GPC6: variants seen among roughly 807,000 people sequenced by gnomAD.
The protein encoded by GPC6 is glypican-6.
In GPC6, 14 loss-of-function variants were observed where a neutral mutation model predicts 55.2. That is an observed-to-expected ratio of 0.25 (90% CI 0.17 to 0.40). The LOEUF (loss-of-function observed/expected upper bound fraction) is 0.40, where lower values mean the gene tolerates loss of function less well. Among genes scored for constraint, GPC6 ranks in the 10% least tolerant of loss-of-function variants. GPC6 has a pLI of 1.00. For synonymous variants in GPC6, 278 were observed against 259.6 expected (o/e 1.07, Z -0.68); for missense variants, 641 against 708.5 (o/e 0.90, Z 1.08).
intron 3 of GPC6, among the ~76,000 whole-genome samples, chr13:93,846,620 C>T (rs909942919): frequency 3.9e-5 from 6 of 152,146 alleles, no homozygotes; most frequent in African/African-American, 1.4e-4. Flanking sequence ...TGAGACCAGT[C>T]TGGCCAACAT....
chr13:93,616,778 A>G (rs1258397296), intron 2 of GPC6, among the ~76,000 whole-genome samples: 3 of 152,116 alleles, frequency 2.0e-5, no homozygotes, highest in Admixed American at 2.0e-4. Flanking sequence ...CTGTGAACAC[A>G]TTTATGAGGT....
At chr13:94,031,327 C>T (rs1023978184) in intron 4 of GPC6, among the ~76,000 whole-genome samples, 2 of 152,168 alleles carry the variant, frequency 1.3e-5, no homozygotes, top group African/African-American at 4.8e-5. Context: ...GCCGCTAGAC[C>T]TATTTTAGAG....
chr13:93,446,382 A>G (rs901754908), intron 1 of GPC6, among the ~76,000 whole-genome samples: 23 of 151,040 alleles, frequency 1.5e-4, no homozygotes, highest in African/African-American at 5.3e-4. Flanking sequence ...TTTGTTAGGT[A>G]ATTTGAGCAC....
chr13:93,224,197 CT>C (rs34332669), upstream of GPC6, among the ~76,000 whole-genome samples: 99,312 of 133,320 alleles, frequency 0.74, 37,091 homozygotes, highest in East Asian at 0.91. Flanking sequence ...CGCGCCCGGC[CT>C]TTTTTTTTTT....
At chr13:94,293,290 G>A (rs1313645780) in intron 5 of GPC6, among the ~76,000 whole-genome samples, 3 of 152,166 alleles carry the variant, frequency 2.0e-5, no homozygotes, top group South Asian at 2.1e-4. Context: ...CATGTCAAGG[G>A]AGGGAACTGG....
At chr13:94,230,134 T>G (rs1322158861) in intron 4 of GPC6, among the ~76,000 whole-genome samples, 1 of 152,132 alleles carries the variant, frequency 6.6e-6, no homozygotes, top group African/African-American at 2.4e-5. Context: ...CCATACTTTT[T>G]CCTCATGGGG....
chr13:94,390,405 A>G (rs992916107), intron 7 of GPC6, among the ~76,000 whole-genome samples: 2 of 152,204 alleles, frequency 1.3e-5, no homozygotes, highest in African/African-American at 2.4e-5. Flanking sequence ...TGGGTAACTT[A>G]TAAAGAAAAG....
intron 1 of GPC6, among the ~76,000 whole-genome samples, chr13:93,436,999 C>T (rs968209036): frequency 5.9e-5 from 9 of 151,302 alleles, no homozygotes; most frequent in Admixed American, 2.0e-4. Context: ...CTCTGTGTCA[C>T]GTTTTAGGAA....
intron 2 of GPC6, among the ~76,000 whole-genome samples, chr13:93,760,526 G>T (rs1030515290): frequency 1.3e-5 from 2 of 152,156 alleles, no homozygotes; most frequent in African/African-American, 4.8e-5. Flanking sequence ...CCAGAGCATG[G>T]CCTGCACAGG....
chr13:94,218,511 GCTCTCTGCTCT>G (rs1890287698), intron 4 of GPC6, among the ~76,000 whole-genome samples: 2 of 152,096 alleles, frequency 1.3e-5, no homozygotes, highest in African/African-American at 4.8e-5. Context: ...TGCAGCTACA[GCTCTCTGCTCT>G]AAGGTGAGCT....
At chr13:93,562,196 G>A (rs1041162066) in intron 2 of GPC6, among the ~76,000 whole-genome samples, 6 of 151,946 alleles carry the variant, frequency 3.9e-5, no homozygotes, top group Admixed American at 6.6e-5. Context: ...ATTTAGTGCC[G>A]TTACCAGACT....
At position 93,601,088 on chromosome 13, in the gene GPC6, C is replaced by T. The variant is rs1264729001; in HGVS notation, c.319+55667C>T. On this transcript the variant is annotated intron_variant, in intron 2 of 8. Coordinates refer to ENST00000377047, the MANE Select transcript of GPC6 (RefSeq NM_005708.5). Reference sequence around the variant, plus strand: ...GGAAAAGACGAGGGGAAAACAGGAGCTTAAAAGAATTAAAACATGTTGGGG... The same window carrying T: ...GGAAAAGACGAGGGGAAAACAGGAGTTTAAAAGAATTAAAACATGTTGGGG... Among the ~76,000 whole-genome samples, 9 of 151,514 alleles carry T rather than the reference C, an allele frequency of 5.9e-5. 1 individual carries two copies. Among genetic ancestry groups the T allele is most frequent in the African/African-American group, 2.2e-4 (9 of 41,326 alleles).
At chr13:93,604,563 C>CT (rs1230652355) in intron 2 of GPC6, among the ~76,000 whole-genome samples, 5 of 152,014 alleles carry the variant, frequency 3.3e-5, no homozygotes, top group Admixed American at 2.0e-4. Flanking sequence ...AGTGAGGTAC[C>CT]TTTTTTTTCT....
chr13:93,985,582 C>T (rs1032538386), intron 3 of GPC6, among the ~76,000 whole-genome samples: 1 of 148,122 alleles, frequency 6.8e-6, no homozygotes, highest in Admixed American at 7.0e-5. Flanking sequence ...GTCTCAGCTA[C>T]TCAGGAGGAT....
intron 1 of GPC6, among the ~76,000 whole-genome samples, chr13:93,312,528 A>T (rs1440021032): frequency 6.6e-6 from 1 of 152,150 alleles, no homozygotes. Flanking sequence ...TTCTTTAAAG[A>T]CTTGGCATAA....
intron 1 of GPC6, among the ~76,000 whole-genome samples, chr13:93,280,133 A>C (rs980929204): frequency 1.3e-5 from 2 of 152,196 alleles, no homozygotes; most frequent in Non-Finnish European, 2.9e-5. Flanking sequence ...AATTCTGCAC[A>C]TGGTTATCTC....
intron 3 of GPC6, among the ~76,000 whole-genome samples, chr13:93,981,471 CAAAT>C (rs569471308): frequency 4.6e-4 from 70 of 152,120 alleles, no homozygotes; most frequent in African/African-American, 1.3e-3. Flanking sequence ...TATGAAATAA[CAAAT>C]AAGAAAATAT....
intron 2 of GPC6, among the ~76,000 whole-genome samples, chr13:93,810,883 G>T (rs1490391607): frequency 6.6e-6 from 1 of 152,138 alleles, no homozygotes; most frequent in Non-Finnish European, 1.5e-5. Context: ...GTTTTGATAA[G>T]AAACTGATAA....
intron 2 of GPC6, among the ~76,000 whole-genome samples, chr13:93,778,014 C>T (rs1348207510): frequency 6.6e-6 from 1 of 152,120 alleles, no homozygotes; most frequent in East Asian, 1.9e-4. Context: ...TGAGCTTTTT[C>T]AATGCTGGTA....
Sources: allele counts gnomAD v4.1 joint callset (sites outside exome capture counted in the v4.1 genomes callset), GRCh38; gene constraint gnomAD v4.1.1; transcripts MANE v1.5; gene names NCBI Gene and HGNC (gene_info 2026-07-23, HGNC 2026-07-21).